The following ARMH4 variants were observed in gnomAD, a reference collection of about 807,000 sequenced individuals.
The protein encoded by ARMH4 is armadillo like helical domain containing 4.
In ARMH4, 49 loss-of-function variants were observed where a neutral mutation model predicts 61.9. That is an observed-to-expected ratio of 0.79 (90% CI 0.63 to 1.00). The LOEUF is 1.00. Ranked by LOEUF, ARMH4 falls within the 50% of genes least tolerant of loss-of-function variation. The pLI is 0.00. For synonymous variants in ARMH4, 368 were observed against 341.5 expected, an observed-to-expected ratio of 1.08 and a Z score of -0.85; for missense variants, 934 against 930.0, an observed-to-expected ratio of 1.00 and a Z score of -0.06.
chr14:58,053,389 CCT>C (rs1218901516), intron 5 of ARMH4, among the ~76,000 whole-genome samples: 2 of 152,184 alleles, frequency 1.3e-5, no homozygotes, highest in Non-Finnish European at 2.9e-5. Flanking sequence ...GGGTTTGGTC[CCT>C]GTTGGTTCAC....
intron 5 of ARMH4, among the ~76,000 whole-genome samples, chr14:58,092,078 G>A (rs1308297997): frequency 6.6e-6 from 1 of 152,202 alleles, no homozygotes; most frequent in Admixed American, 6.5e-5. Context: ...CACAGGAAAT[G>A]AGACTATAAT....
intron 5 of ARMH4, among the ~76,000 whole-genome samples, chr14:58,080,967 T>C (rs972937683): frequency 6.6e-6 from 1 of 151,896 alleles, no homozygotes; most frequent in Admixed American, 6.6e-5. Flanking sequence ...CCAGGTGTGG[T>C]GGTGCACACC....
At chr14:58,056,695 C>T (rs1884360228) in intron 5 of ARMH4, among the ~76,000 whole-genome samples, 1 of 152,130 alleles carries the variant, frequency 6.6e-6, no homozygotes, top group Non-Finnish European at 1.5e-5. Flanking sequence ...CAGGTCCTGA[C>T]TAATTCCTTC....
chr14:58,082,055 T>A (rs1021274932), intron 5 of ARMH4, among the ~76,000 whole-genome samples: 1 of 152,136 alleles, frequency 6.6e-6, no homozygotes, highest in African/African-American at 2.4e-5. Flanking sequence ...ATTTGTGTCA[T>A]CTCTAAGACA....
chr14:58,014,450 G>T (rs1195031495), intron 5 of ARMH4, among the ~76,000 whole-genome samples: 1 of 152,170 alleles, frequency 6.6e-6, no homozygotes, highest in Non-Finnish European at 1.5e-5. Flanking sequence ...TGGACCCACA[G>T]CTTCCTTATA....
At chr14:58,044,606 T>C (rs909609194) in intron 5 of ARMH4, among the ~76,000 whole-genome samples, 9 of 152,024 alleles carry the variant, frequency 5.9e-5, no homozygotes, top group Admixed American at 3.3e-4. Flanking sequence ...AAAGCCAAAA[T>C]TGACAAATGG....
chr14:58,093,439 G>A (rs544658913), intron 5 of ARMH4, among the ~76,000 whole-genome samples: 58 of 152,150 alleles, frequency 3.8e-4, no homozygotes, highest in African/African-American at 1.3e-3. Flanking sequence ...CAATCCTCCT[G>A]CCTCAGCCTC....
intron 5 of ARMH4, among the ~76,000 whole-genome samples, chr14:58,028,701 A>C (rs1025799154): frequency 3.9e-5 from 6 of 152,162 alleles, no homozygotes; most frequent in African/African-American, 1.4e-4. Flanking sequence ...GCAGTGCAGG[A>C]GGCCAGTACT....
At position 58,114,470 on chromosome 14, in the gene ARMH4, T is replaced by C. The variant is rs544681249; in HGVS notation, c.1831+17042A>G. On this transcript the variant is annotated intron_variant, in intron 4 of 7. Coordinates refer to ENST00000267485, the MANE Select transcript of ARMH4 (RefSeq NM_001001872.4). ...TTCTGACTACTTGTAATCCCATCAA[T>C]TTATTAAGGCATATGTTTTACCCAA... Among the ~76,000 whole-genome samples the C allele has an allele frequency of 6.5e-4, 99 of 152,298 alleles. No individual in the cohort carries two copies. In the South Asian group the frequency reaches 0.017, roughly 27 times the overall value.
intron 6 of ARMH4, among the ~76,000 whole-genome samples, chr14:58,010,837 CT>C (rs34077424): frequency 0.54 from 80,265 of 148,482 alleles, 21,626 homozygotes; most frequent in East Asian, 0.59. Flanking sequence ...TTTCTTAAGC[CT>C]TTTTTTTTTT....
intron 2 of ARMH4, among the ~76,000 whole-genome samples, chr14:58,133,822 T>C (rs1375520857): frequency 1.3e-5 from 2 of 152,224 alleles, no homozygotes; most frequent in Non-Finnish European, 2.9e-5. Context: ...TGAGTTTCTA[T>C]GTTAAACACC....
Position 58,005,194 on chromosome 14 carries a change from A to G in ARMH4, c.2122-12T>C. On this transcript the variant is annotated splice_polypyrimidine_tract_variant and intron_variant, in intron 6 of 7. Coordinates refer to ENST00000267485, the MANE Select transcript of ARMH4 (RefSeq NM_001001872.4). ...GACATGTAACCAGCCTGCATAGAAA[A>G]GGAAACACACATTAGGATGCTAAAC... 6.2e-7 allele frequency: 1 copy of G among 1,613,866 alleles called. No individual in the cohort carries two copies. The highest frequency in any genetic ancestry group is 8.5e-7 in the Non-Finnish European group (1 of 1,179,858).
At chr14:58,103,174 A>G (rs1886060390) in intron 4 of ARMH4, among the ~76,000 whole-genome samples, 1 of 151,938 alleles carries the variant, frequency 6.6e-6, no homozygotes, top group Non-Finnish European at 1.5e-5. Context: ...AAGACTTGAG[A>G]TACAGACACA....
chr14:58,117,867 TC>T (rs1438520861), intron 4 of ARMH4, among the ~76,000 whole-genome samples: 1 of 151,590 alleles, frequency 6.6e-6, no homozygotes, highest in Non-Finnish European at 1.5e-5. Flanking sequence ...CAAGCAATCC[TC>T]CTGCCTCAGC....
At chr14:58,126,287 T>C (rs1183367742) in intron 4 of ARMH4, among the ~76,000 whole-genome samples, 1 of 152,202 alleles carries the variant, frequency 6.6e-6, no homozygotes, top group Non-Finnish European at 1.5e-5. Flanking sequence ...AAGAATATCA[T>C]TCAGTCACCT....
At chr14:58,027,316 G>C (rs571451806) in intron 5 of ARMH4, among the ~76,000 whole-genome samples, 2 of 151,632 alleles carry the variant, frequency 1.3e-5, no homozygotes, top group African/African-American at 4.9e-5. Flanking sequence ...TTAAGTTGCA[G>C]TTTTGAGTTT....
At chr14:58,077,516 G>A (rs1885086612) in intron 5 of ARMH4, among the ~76,000 whole-genome samples, 1 of 152,110 alleles carries the variant, frequency 6.6e-6, no homozygotes, top group South Asian at 2.1e-4. Flanking sequence ...CTGAGGTGGG[G>A]GGACCGCTTG....
At chr14:58,134,091 A>C (rs535274492) in intron 2 of ARMH4, among the ~76,000 whole-genome samples, 3 of 152,376 alleles carry the variant, frequency 2.0e-5, no homozygotes, top group Admixed American at 6.5e-5. Flanking sequence ...AAGATTAGAT[A>C]ACACAAGTAA....
intron 5 of ARMH4, among the ~76,000 whole-genome samples, chr14:58,065,597 G>A (rs1884677886): frequency 6.6e-6 from 1 of 152,236 alleles, no homozygotes. Context: ...TCCATGAAGA[G>A]ATGAGTGACT....
Sources: allele counts gnomAD v4.1 joint callset (sites outside exome capture counted in the v4.1 genomes callset), GRCh38; gene constraint gnomAD v4.1.1; transcripts MANE v1.5; gene names NCBI Gene and HGNC (gene_info 2026-07-23, HGNC 2026-07-21).